The following KIAA2013 variants were observed in gnomAD, a reference collection of about 807,000 sequenced individuals.
KIAA2013 encodes the protein KIAA2013.
A neutral mutation model predicts 39.9 loss-of-function variants in KIAA2013; 20 were observed. The observed-to-expected ratio is 0.50, with a 90% CI of 0.35 to 0.73. KIAA2013 has a LOEUF of 0.73. KIAA2013 is among the 30% of genes least tolerant of loss of function. KIAA2013 has a pLI of 0.01. For synonymous variants in KIAA2013, 336 were observed against 416.6 expected, an observed-to-expected ratio of 0.81 and a Z score of 2.35; for missense variants, 587 against 856.1, an observed-to-expected ratio of 0.69 and a Z score of 3.92.
In KIAA2013 at chr1:11,923,026, C is replaced by T. The variant is rs762185647; in HGVS notation, c.1497G>A (p.Ala499=). 5.9e-5 allele frequency: 95 copies of T among 1,610,992 alleles called. No individual in the cohort carries two copies. The highest frequency in any genetic ancestry group is 7.6e-5 in the Non-Finnish European group (89 of 1,177,532). The change falls in exon 2 of 3, where the codon GCG becomes GCA. Residue 499 remains alanine, a synonymous_variant. Coordinates refer to ENST00000376572, the MANE Select transcript of KIAA2013 (RefSeq NM_138346.3). This position sits in a 1 kb window ranked among gnomAD's most constrained non-coding sequence, Gnocchi z 4.6. ...KNDHINLAVL[A]DAEGKPYLHV... is the part of the protein sequence containing the mutation. Reference sequence around the variant, plus strand: ...GTAGGTAGGGCTTGCCCTCGGCATCCGCCAGCACGGCCAGGTTGATATGGT... The same window carrying T: ...GTAGGTAGGGCTTGCCCTCGGCATCTGCCAGCACGGCCAGGTTGATATGGT...
chr1:11,923,891 T>C lies in KIAA2013; in HGVS notation c.1034-402A>G, dbSNP rs769052628. The stretch of plus-strand genomic sequence containing the variant: ...ATGTATGTATGTATTTATTTGTTTA[T>C]TGAGACAGAGTCTCACTGTGTTGCC... On this transcript the variant is annotated intron_variant, in intron 1 of 2. Coordinates refer to ENST00000376572, the MANE Select transcript of KIAA2013 (RefSeq NM_138346.3). This position sits in a 1 kb window ranked among gnomAD's most constrained non-coding sequence, Gnocchi z 4.6. Among the ~76,000 whole-genome samples the C allele has an allele frequency of 6.6e-6, 1 of 152,218 alleles. No homozygotes were observed. The highest frequency in any genetic ancestry group is 1.5e-5 in the Non-Finnish European group (1 of 68,046).
At chr1:11,920,997 C>T (rs1447006855) in intron 2 of KIAA2013, among the ~76,000 whole-genome samples, 2 of 151,934 alleles carry the variant, frequency 1.3e-5, no homozygotes, top group Non-Finnish European at 2.9e-5. Context: ...ATATACCTCT[C>T]TACTGTCACT....
Position 11,925,987 on chromosome 1 carries a change from G to A in KIAA2013, c.251C>T (p.Pro84Leu), listed in dbSNP as rs1478209269. Residue 84 changes from proline to leucine, a missense_variant, in exon 1 of 3, where the codon CCG becomes CTG. By Grantham distance (98) the Pro-to-Leu change is moderately conservative (BLOSUM62 -3). Coordinates refer to ENST00000376572, the MANE Select transcript of KIAA2013 (RefSeq NM_138346.3). This position sits in a 1 kb window ranked among gnomAD's most constrained non-coding sequence, Gnocchi z 5.2. ...CAGGGCCGGCACTCCAGGACCCAGC[G>A]GTACCACCTCACCGCGCTCCCGCAG... ...RGLRERGEVV[P>L]LGPGVPALVA... 5 of 1,527,428 alleles carry A rather than the reference G, an allele frequency of 3.3e-6. No individual in the cohort carries two copies. The highest frequency in any genetic ancestry group is 3.9e-5 in the Admixed American group (2 of 50,662). The allele number at this position is 1,527,428 out of a possible 1,614,324, so 94.6% of individuals were successfully genotyped here.
intron 2 of KIAA2013, among the ~76,000 whole-genome samples, chr1:11,921,735 A>AGATGGCTCCACTGGCTCCAGTG (rs1645475858): frequency 6.6e-6 from 1 of 152,030 alleles, no homozygotes; most frequent in Admixed American, 6.6e-5. Context: ...TTTTTAGTAC[A>AGATGGCTCCACTGGCTCCAGTG]GATGGGGTTT....
chr1:11,925,872 A>G lies in KIAA2013; in HGVS notation c.366T>C (p.Phe122=), dbSNP rs1448164878. 6.5e-6 allele frequency: 10 copies of G among 1,530,372 alleles called. No individual in the cohort carries two copies. Among genetic ancestry groups the G allele is most frequent in the Admixed American group, 5.9e-5 (3 of 50,900 alleles). 94.8% of individuals were successfully genotyped at this position (1,530,372 alleles called of 1,614,324 possible). A position where few individuals can be genotyped will look rare whatever the true frequency, so the allele number is the denominator to read the frequency against. Residue 122 remains phenylalanine (F), a synonymous_variant, in exon 1 of 3, where the codon TTT becomes TTC. Coordinates refer to ENST00000376572, the MANE Select transcript of KIAA2013 (RefSeq NM_138346.3). This position sits in a 1 kb window ranked among gnomAD's most constrained non-coding sequence, Gnocchi z 5.2. ...GCGGGCGCAGCTGCACGAAGGGCAC[A>G]AAGTCCGGCGCCACGGCGGGCTCCC... The part of the protein sequence containing the change: ...GEREPAVAPD[F]VPFVQLRPLS...
intron 2 of KIAA2013, chr1:11,922,277 A>G: frequency 8.6e-7 from 1 of 1,163,618 alleles, no homozygotes; most frequent in Non-Finnish European, 1.1e-6. Flanking sequence ...GCAGCCTCAA[A>G]CTCCTGGGCT....
At position 11,923,319 on chromosome 1, in the gene KIAA2013, T is replaced by C; in HGVS notation, c.1204A>G (p.Ser402Gly). The C allele has an allele frequency of 6.2e-7, 1 of 1,613,684 alleles. No individual in the cohort carries two copies. Among genetic ancestry groups the C allele is most frequent in the South Asian group, 1.1e-5 (1 of 91,074 alleles). ...STLNYEDHCF[S>G]GHATMHAENL... ...TCGGCGTGCATGGTGGCGTGCCCGC[T>C]GAAGCAGTGATCTTCATAGTTGAGC... The change falls in exon 2 of 3, where the codon AGC becomes GGC. Residue 402 changes from serine to glycine, a missense_variant. Coordinates refer to ENST00000376572, the MANE Select transcript of KIAA2013 (RefSeq NM_138346.3). The surrounding 1 kb of genome is among the most constrained non-coding windows in gnomAD (Gnocchi z 4.6).
chr1:11,926,155 A>C lies in KIAA2013; in HGVS notation c.83T>G (p.Leu28Arg). 7.1e-7 allele frequency: 1 copy of C among 1,401,058 alleles called. No individual in the cohort carries two copies. The highest frequency in any genetic ancestry group is 9.3e-7 in the Non-Finnish European group (1 of 1,071,094). 86.8% of individuals were successfully genotyped at this position (1,401,058 alleles called of 1,614,324 possible). Residue 28 changes from leucine to arginine, a missense_variant, in exon 1 of 3, where the codon CTC (leucine) becomes CGC (arginine). By Grantham distance (102) the Leu-to-Arg change is moderately radical (BLOSUM62 -2). Coordinates refer to ENST00000376572, the MANE Select transcript of KIAA2013 (RefSeq NM_138346.3). The stretch of plus-strand genomic sequence containing the variant: ...CCCAAACCACAGAAGCAGCAGCAGG[A>C]GGCCAAGCAGGCAGAGGAGGCGGCG... The part of the protein sequence containing the change: ...WARRLLCLLG[L>R]LLLLLWFGGS...
intron 2 of KIAA2013, chr1:11,922,360 T>G (rs1201843044): frequency 7.0e-7 from 1 of 1,426,058 alleles, no homozygotes; most frequent in Non-Finnish European, 9.1e-7. Context: ...CAGCTTGCAG[T>G]TATTTTTAAA....
rs1645488924 is a variant in KIAA2013 at position 11,923,660 on chromosome 1, A to C, written c.1034-171T>G. 6.6e-6 allele frequency among the ~76,000 whole-genome samples: 1 copy of C among 152,118 alleles called. No individual in the cohort carries two copies. The highest frequency in any genetic ancestry group is 1.5e-5 in the Non-Finnish European group (1 of 68,014). On this transcript the variant is annotated intron_variant, in intron 1 of 2. Transcript: ENST00000376572. This position sits in a 1 kb window ranked among gnomAD's most constrained non-coding sequence, Gnocchi z 4.6. ...AAAGTCAGCCTGTCTTGTTTACACG[A>C]CCAACTTGAGCCTGTGGGCCTGAAA...
chr1:11,925,176 G>A lies in KIAA2013; in HGVS notation c.1033+29C>T. The A allele has an allele frequency of 1.9e-6, 3 of 1,538,664 alleles. No individual in the cohort carries two copies. Among genetic ancestry groups the A allele is most frequent in the Non-Finnish European group, 2.6e-6 (3 of 1,142,640 alleles). The stretch of plus-strand genomic sequence containing the variant: ...TGCAGACTTGGGAGGGACATATCTA[G>A]GGTGGACCAAGCGCTGGCCAGGACT... On this transcript the variant is annotated intron_variant, in intron 1 of 2. Transcript: ENST00000376572. The surrounding 1 kb of genome is among the most constrained non-coding windows in gnomAD (Gnocchi z 5.2).
At position 11,922,663 on chromosome 1, in the gene KIAA2013, A is replaced by G. The variant is rs768221315; in HGVS notation, c.1860T>C (p.Pro620=). Residue 620 remains proline (P), a synonymous_variant, in exon 2 of 3, where the codon CCT becomes CCC. Transcript: ENST00000376572. ...TACTCCTGAAGAGGGGCTTGGCTCC[A>G]GGCCCACAGTACTCGTTGTAGATGA... ...FKLIYNEYCG[P]GAKPLFRSKE... 1 of 1,613,640 alleles carries G rather than the reference A, an allele frequency of 6.2e-7. No individual in the cohort carries two copies. The highest frequency in any genetic ancestry group is 8.5e-7 in the Non-Finnish European group (1 of 1,179,840).
chr1:11,922,174 T>A (rs555439444), intron 2 of KIAA2013: 2,301 of 158,140 alleles, frequency 0.015, 66 homozygotes, highest in African/African-American at 0.065. Context: ...TTTTTTTTTT[T>A]ACTTTTATTT....
At position 11,920,345 on chromosome 1, in the gene KIAA2013, C is replaced by A. The variant is rs1645467253; in HGVS notation, c.1888-13G>T. On this transcript the variant is annotated splice_polypyrimidine_tract_variant and intron_variant, in intron 2 of 2. Transcript: ENST00000376572. ...CACTGGGATCTTCCTGTTCAATTCA[C>A]AAAACAAGTGTGATTACTGTTCACT... 6.2e-7 allele frequency: 1 copy of A among 1,613,936 alleles called. No individual in the cohort carries two copies. Among genetic ancestry groups the A allele is most frequent in the South Asian group, 1.1e-5 (1 of 91,084 alleles).
rs1645497560 is a variant in KIAA2013, at chr1:11,925,062, C to T, written c.1033+143G>A. The T allele has an allele frequency of 1.4e-6, 1 of 718,060 alleles. No individual in the cohort carries two copies. The highest frequency in any genetic ancestry group is 2.3e-6 in the Non-Finnish European group (1 of 439,716). The allele number at this position is 718,060 out of a possible 1,614,324, so 44.5% of individuals were successfully genotyped here. The stretch of plus-strand genomic sequence containing the variant: ...TTAGGCGACGAATCCAAAGGTCGCA[C>T]AGACACTAAGCAGTTGAGCAGATTC... On this transcript the variant is annotated intron_variant, in intron 1 of 2. Transcript: ENST00000376572. This position sits in a 1 kb window ranked among gnomAD's most constrained non-coding sequence, Gnocchi z 5.2.
intron 2 of KIAA2013, 81 bp downstream of exon 2, chr1:11,922,552 CCCT>C: frequency 1.3e-6 from 2 of 1,566,700 alleles, no homozygotes; most frequent in South Asian, 2.3e-5. Context: ...GCCTCACCCC[CCCT>C]CGCCAGGCTA....
At chr1:11,922,515 G>A in intron 2 of KIAA2013, 121 bp downstream of exon 2, 3 of 1,548,016 alleles carry the variant, frequency 1.9e-6, no homozygotes, top group Non-Finnish European at 2.6e-6. Context: ...AAGGGCTGAG[G>A]GCATCAGGAC....
chr1:11,925,189 G>C lies in KIAA2013; in HGVS notation c.1033+16C>G, dbSNP rs907597404. 27 of 1,546,970 alleles carry C rather than the reference G, an allele frequency of 1.7e-5. No individual in the cohort carries two copies. The highest frequency in any genetic ancestry group is 2.4e-5 in the Non-Finnish European group (27 of 1,146,628). On this transcript the variant is annotated intron_variant, in intron 1 of 2. Transcript: ENST00000376572. This position sits in a 1 kb window ranked among gnomAD's most constrained non-coding sequence, Gnocchi z 5.2. ...GGGACATATCTAGGGTGGACCAAGC[G>C]CTGGCCAGGACTCACCTGGGCTGAA... is the stretch of plus-strand genomic sequence containing the variant.
In KIAA2013 at chr1:11,922,727, G is replaced by A; in HGVS notation, c.1796C>T (p.Ala599Val). The A allele has an allele frequency of 3.1e-6, 5 of 1,613,874 alleles. No homozygotes were observed. Among genetic ancestry groups the A allele is most frequent in the Non-Finnish European group, 4.2e-6 (5 of 1,179,904 alleles). Reference sequence around the variant, plus strand: ...GAGGTGGAAGAGGGTGATTAGGGAGGCCACGCTGAACCAGAAGAGGAAGGG... The same window carrying A: ...GAGGTGGAAGAGGGTGATTAGGGAGACCACGCTGAACCAGAAGAGGAAGGG... ...GLPFLFWFSVASLITLFHLFL... is the reference protein window; with the variant it reads ...GLPFLFWFSVVSLITLFHLFL... Residue 599 changes from alanine (A) to valine (V), a missense_variant, in exon 2 of 3, where the codon GCC (alanine) becomes GTC (valine). Transcript: ENST00000376572.
Sources: gnomAD v4.1 joint callset for allele counts (sites outside exome capture counted in the v4.1 genomes callset) on GRCh38, gnomAD v4.1.1 for gene constraint, Gnocchi (gnomAD v3.1) non-coding constraint, MANE v1.5 for transcripts, NCBI Gene and HGNC (gene_info 2026-07-23, HGNC 2026-07-21) for gene names.